The following NRG1 variants were observed in gnomAD, a reference collection of about 807,000 sequenced individuals.
NRG1 encodes pro-neuregulin-1, membrane-bound isoform.
In NRG1, 18 loss-of-function variants were observed where a neutral mutation model predicts 63.8. That is an observed-to-expected ratio of 0.28 (90% CI 0.19 to 0.42). NRG1 has a LOEUF of 0.42. Among genes scored for constraint, NRG1 ranks in the 10% least tolerant of loss-of-function variants. The probability of loss-of-function intolerance (pLI) is 1.00; values close to 1 mark genes in which losing one functional copy is unlikely to be tolerated. For synonymous variants in NRG1, 302 were observed against 301.3 expected (o/e 1.00, Z -0.02); for missense variants, 762 against 814.7 (o/e 0.94, Z 0.79).
chr8:31,870,733 G>T (rs1318514110), intron 1 of NRG1, among the ~76,000 whole-genome samples: 5 of 151,872 alleles, frequency 3.3e-5, no homozygotes, highest in Non-Finnish European at 7.4e-5. Context: ...TTATTTTTTT[G>T]ATTTATTTAT....
At chr8:32,194,739 T>C (rs1842808033) in intron 1 of NRG1, among the ~76,000 whole-genome samples, 1 of 152,120 alleles carries the variant, frequency 6.6e-6, no homozygotes, top group Non-Finnish European at 1.5e-5. Flanking sequence ...AAACCATTGG[T>C]CCAAAGCAAT....
intron 1 of NRG1, among the ~76,000 whole-genome samples, chr8:32,417,546 A>G (rs566765553): frequency 1.1e-4 from 16 of 152,330 alleles, no homozygotes; most frequent in African/African-American, 3.6e-4. Flanking sequence ...ATTCAGATCC[A>G]TAGAACACTT....
chr8:32,355,351 C>T (rs749706746), intron 1 of NRG1, among the ~76,000 whole-genome samples: 3 of 151,784 alleles, frequency 2.0e-5, no homozygotes, highest in Admixed American at 6.6e-5. Flanking sequence ...CCCAACTACT[C>T]GGGAGGCTGA....
At chr8:32,060,628 A>G (rs913128874) in intron 1 of NRG1, among the ~76,000 whole-genome samples, 9 of 151,918 alleles carry the variant, frequency 5.9e-5, no homozygotes, top group Admixed American at 3.3e-4. Flanking sequence ...TTGTTTCCCA[A>G]TATCTCAAAC....
intron 1 of NRG1, among the ~76,000 whole-genome samples, chr8:32,590,786 C>A (rs558427889): frequency 6.6e-6 from 1 of 151,968 alleles, no homozygotes; most frequent in African/African-American, 2.4e-5. Flanking sequence ...AAAATTTACT[C>A]TGTTGAAAAT....
intron 1 of NRG1, among the ~76,000 whole-genome samples, chr8:31,877,588 A>T (rs1232605147): frequency 1.3e-5 from 2 of 152,070 alleles, no homozygotes; most frequent in East Asian, 3.9e-4. Flanking sequence ...AGAAAATCTT[A>T]CTTCTATAAA....
chr8:32,634,283 T>C (rs1850912065), intron 5 of NRG1, among the ~76,000 whole-genome samples: 1 of 152,066 alleles, frequency 6.6e-6, no homozygotes, highest in African/African-American at 2.4e-5. Flanking sequence ...TTTGCTGTAA[T>C]TGTATGGTGC....
rs28721956 is a variant in NRG1, at chr8:32,248,499, G to T, written c.38-347329G>T. On this transcript the variant is annotated intron_variant, in intron 1 of 10. Transcript: ENST00000519301. ...GTATATAAACTTAAAATTATGCTTG[G>T]TTACCAATATTTCACTTTTCTCTCT... Among the ~76,000 whole-genome samples the T allele has an allele frequency of 6.9e-3, 1,049 of 152,066 alleles. 13 individuals are homozygous for T. The highest frequency in any genetic ancestry group is 0.024 in the African/African-American group (992 of 41,522).
chr8:32,364,590 G>A (rs1307813411), intron 1 of NRG1, among the ~76,000 whole-genome samples: 1 of 151,448 alleles, frequency 6.6e-6, no homozygotes, highest in East Asian at 1.9e-4. Flanking sequence ...CACCCGGGTT[G>A]TTTTTAATAT....
At chr8:32,162,702 G>A (rs1290467665) in intron 1 of NRG1, among the ~76,000 whole-genome samples, 1 of 151,984 alleles carries the variant, frequency 6.6e-6, no homozygotes, top group African/African-American at 2.4e-5. Context: ...TTAATCCTGG[G>A]TGTCTTGAAA....
At chr8:32,193,674 G>A (rs1326334586) in intron 1 of NRG1, among the ~76,000 whole-genome samples, 6 of 152,020 alleles carry the variant, frequency 3.9e-5, no homozygotes, top group Admixed American at 6.6e-5. Flanking sequence ...AAAAAGATAC[G>A]TTAGAATCCC....
At chr8:32,683,291 G>C (rs1809185371) in intron 5 of NRG1, among the ~76,000 whole-genome samples, 2 of 152,188 alleles carry the variant, frequency 1.3e-5, no homozygotes, top group South Asian at 4.1e-4. Context: ...ATAAAGCAAG[G>C]AAACACGGGC....
At chr8:32,023,663 C>G (rs1379049070) in intron 1 of NRG1, among the ~76,000 whole-genome samples, 1 of 152,176 alleles carries the variant, frequency 6.6e-6, no homozygotes, top group Admixed American at 6.5e-5. Context: ...TTGTCCCAGA[C>G]AGACGCCCAT....
At chr8:31,842,109 T>A (rs919744184) in intron 1 of NRG1, among the ~76,000 whole-genome samples, 110 of 152,282 alleles carry the variant, frequency 7.2e-4, no homozygotes, top group Non-Finnish European at 1.5e-3. Flanking sequence ...AAACTGGAAG[T>A]GATTGATTTA....
chr8:31,945,526 T>C (rs766171772), intron 1 of NRG1, among the ~76,000 whole-genome samples: 7 of 152,184 alleles, frequency 4.6e-5, no homozygotes, highest in Admixed American at 6.5e-5. Flanking sequence ...GAGATAAATA[T>C]GTGCGCCCCT....
chr8:31,702,191 C>T (rs1290499882), intron 1 of NRG1, among the ~76,000 whole-genome samples: 1 of 152,158 alleles, frequency 6.6e-6, no homozygotes. Flanking sequence ...TTTATTTAGG[C>T]TCCTGAATGG....
At chr8:32,760,165 G>A (rs374693334) in intron 10 of NRG1, 35 bp from the exon 11 acceptor site, 2 of 1,609,332 alleles carry the variant, frequency 1.2e-6, no homozygotes, top group Non-Finnish European at 8.5e-7. Context: ...ATTTTTGCAC[G>A]AAATATCTGA....
At chr8:32,357,258 T>G (rs1274108590) in intron 1 of NRG1, among the ~76,000 whole-genome samples, 1 of 151,972 alleles carries the variant, frequency 6.6e-6, no homozygotes, top group East Asian at 1.9e-4. Context: ...AGAGAAGAAA[T>G]AAGTAAGAAA....
intron 1 of NRG1, among the ~76,000 whole-genome samples, chr8:31,992,896 G>A (rs1051633440): frequency 3.7e-4 from 56 of 151,960 alleles, no homozygotes; most frequent in African/African-American, 1.3e-3. Flanking sequence ...AGGGGCCTAA[G>A]TGGGCTCTCT....
Sources: allele counts gnomAD v4.1 joint callset (sites outside exome capture counted in the v4.1 genomes callset), GRCh38; gene constraint gnomAD v4.1.1; transcripts MANE v1.5; gene names NCBI Gene and HGNC (gene_info 2026-07-23, HGNC 2026-07-21).